The following ATXN2 variants were observed in gnomAD, a reference collection of about 807,000 sequenced individuals.
The protein encoded by ATXN2 is ataxin 2.
In ATXN2, 37 loss-of-function variants were observed where a neutral mutation model predicts 138.6. The ratio of observed to expected loss-of-function variants is 0.27; its 90% CI spans 0.21 to 0.35. The LOEUF (loss-of-function observed/expected upper bound fraction) is 0.35. Ranked by LOEUF, ATXN2 falls within the 10% of genes least tolerant of loss-of-function variation. The probability of loss-of-function intolerance (pLI) is 1.00; values close to 1 mark genes in which losing one functional copy is unlikely to be tolerated. For missense variants in ATXN2, 1,216 were observed against 1,480.3 expected (o/e 0.82, Z 2.93); for synonymous variants, 549 against 543.7 (o/e 1.01, Z -0.13).
rs921164717 is a variant in ATXN2, at chr12:111,506,231, C to T, written c.1935+3318G>A. On this transcript the variant is annotated intron_variant, in intron 14 of 24. Transcript: ENST00000673436. ...AGAAGGGCTGGAGGCAAATGTGGAA[C>T]GACTGCTAAACTGGGCACGGGGTTT... Among the ~76,000 whole-genome samples the T allele has an allele frequency of 3.9e-5, 6 of 152,072 alleles. No homozygotes were observed. The South Asian group carries it at 1.2e-3, about 31-fold the overall frequency.
Position 111,457,537 on chromosome 12 carries a change from T to C in ATXN2, c.2897-178A>G, listed in dbSNP as rs144904635. On this transcript the variant is annotated intron_variant, in intron 21 of 24. Transcript: ENST00000673436. ...TGTCTTGAAAAAATAAGTGTAGCTA[T>C]TGCTTAACAGACTAGCATTTGGTTC... 25 of 633,442 alleles carry C rather than the reference T, an allele frequency of 3.9e-5. No individual in the cohort carries two copies. In the African/African-American group the frequency reaches 4.4e-4, roughly 11 times the overall value. The allele number at this position is 633,442 out of a possible 1,614,324, so 39.2% of individuals were successfully genotyped here. A position where few individuals can be genotyped will look rare whatever the true frequency, so the allele number is the denominator to read the frequency against.
chr12:111,577,935 T>C (rs911463274), intron 1 of ATXN2, among the ~76,000 whole-genome samples: 5 of 150,290 alleles, frequency 3.3e-5, no homozygotes, highest in Non-Finnish European at 7.4e-5. Context: ...GTGGCTCACA[T>C]CTGTAATCCC....
chr12:111,485,941 C>A, intron 16 of ATXN2, 76 bp from the exon 17 acceptor site: 1 of 1,423,238 alleles, frequency 7.0e-7, no homozygotes, highest in South Asian at 1.4e-5. Context: ...ACGGATTTTC[C>A]CAGTCTTTCT....
chr12:111,579,037 CA>C (rs1024151742), intron 1 of ATXN2, among the ~76,000 whole-genome samples: 1 of 150,658 alleles, frequency 6.6e-6, no homozygotes, highest in African/African-American at 2.4e-5. Context: ...GACCCTGCCT[CA>C]AAAAAAAATT....
At chr12:111,485,963 C>A in intron 16 of ATXN2, 98 bp from the exon 17 acceptor site, 1 of 1,206,152 alleles carries the variant, frequency 8.3e-7, no homozygotes, top group South Asian at 1.7e-5. Flanking sequence ...ATTTTACTTG[C>A]TTTAACTATG....
chr12:111,547,744 A>G (rs1479576507), intron 5 of ATXN2, among the ~76,000 whole-genome samples: 1 of 151,626 alleles, frequency 6.6e-6, no homozygotes, highest in East Asian at 2.0e-4. Flanking sequence ...CAAAAAAGAA[A>G]AAAAAGGTTT....
At chr12:111,568,175 C>T (rs1014641192) in intron 1 of ATXN2, among the ~76,000 whole-genome samples, 4 of 152,002 alleles carry the variant, frequency 2.6e-5, no homozygotes, top group East Asian at 3.9e-4. Flanking sequence ...GCAGGAGAAT[C>T]GCTTGAACCC....
chr12:111,584,085 TAA>T (rs144924229), intron 1 of ATXN2, among the ~76,000 whole-genome samples: 1 of 151,296 alleles, frequency 6.6e-6, no homozygotes, highest in African/African-American at 2.4e-5. Flanking sequence ...AAAAATTACT[TAA>T]AAAAAAATTT....
At position 111,456,104 on chromosome 12, in the gene ATXN2, C is replaced by T; in HGVS notation, c.3195G>A (p.Gln1065=). ...GAGAAGGATGGATCGTAAAGACAGT[C>T]TGTTGTGCTGCTGGGAAACTATTCT... is the stretch of plus-strand genomic sequence containing the variant. ...SPQNSFPAAQ[Q]TVFTIHPSHV... is the part of the protein sequence containing the mutation. Residue 1065 remains glutamine, a synonymous_variant, in exon 23 of 25, where the codon CAG becomes CAA. Coordinates refer to ENST00000673436, the MANE Select transcript of ATXN2 (RefSeq NM_001372574.1). The T allele has an allele frequency of 1.2e-6, 2 of 1,614,214 alleles. No homozygotes were observed. Among genetic ancestry groups the T allele is most frequent in the Non-Finnish European group, 1.7e-6 (2 of 1,180,054 alleles).
At chr12:111,455,430 TG>T in intron 23 of ATXN2, 1 of 345,592 alleles carries the variant, frequency 2.9e-6, no homozygotes, top group Non-Finnish European at 5.5e-6. Flanking sequence ...CTTCCAGGGC[TG>T]CTCTTAAAGA....
At chr12:111,523,178 G>A (rs768344266) in intron 6 of ATXN2, among the ~76,000 whole-genome samples, 3 of 150,890 alleles carry the variant, frequency 2.0e-5, no homozygotes, top group Non-Finnish European at 4.4e-5. Flanking sequence ...CAGGAGAATC[G>A]CTTGAACCCG....
chr12:111,488,505 G>C lies in ATXN2; in HGVS notation c.2211C>G (p.Asp737Glu), dbSNP rs117328505. 2 of 1,613,276 alleles carry C rather than the reference G, an allele frequency of 1.2e-6. No homozygotes were observed. Among genetic ancestry groups the C allele is most frequent in the African/African-American group, 2.7e-5 (2 of 74,916 alleles). ...CTGCGTCTTTCTTCTCTTCCTTATC[G>C]TCTTTCTCTTGTTTACATGCTGGGC... is the stretch of plus-strand genomic sequence containing the variant. ...TSSPACKQEKDDKEEKKDAAE... is the reference protein window; with the variant it reads ...TSSPACKQEKEDKEEKKDAAE... Residue 737 changes from aspartate to glutamate, a missense_variant, in exon 15 of 25, where the codon GAC becomes GAG. Physicochemically the swap from Asp to Glu is conservative, Grantham distance 45. Around this residue, in one of 4 missense-constraint regions of ATXN2, gnomAD observed 490 missense variants for 653.5 expected, o/e 0.75. Coordinates refer to ENST00000673436, the MANE Select transcript of ATXN2 (RefSeq NM_001372574.1).
intron 1 of ATXN2, among the ~76,000 whole-genome samples, chr12:111,569,173 C>A (rs895777987): frequency 6.6e-6 from 1 of 152,176 alleles, no homozygotes; most frequent in Non-Finnish European, 1.5e-5. Context: ...CAAATTCCGG[C>A]TCCATCACTT....
upstream of ATXN2, chr12:111,599,663 G>C (rs563058868): frequency 2.2e-5 from 23 of 1,066,130 alleles, no homozygotes; most frequent in African/African-American, 3.4e-4. Context: ...GCGCTGGGTT[G>C]CTTTCTCGGG....
At chr12:111,473,445 G>GA (rs1876560525) in intron 18 of ATXN2, among the ~76,000 whole-genome samples, 2 of 152,104 alleles carry the variant, frequency 1.3e-5, no homozygotes, top group African/African-American at 4.8e-5. Flanking sequence ...CTTTTCCTAA[G>GA]AAAGCTATAC....
At chr12:111,596,246 A>AC (rs1592942289) in intron 1 of ATXN2, among the ~76,000 whole-genome samples, 22 of 148,676 alleles carry the variant, frequency 1.5e-4, no homozygotes, top group Admixed American at 8.7e-4. Flanking sequence ...ACACACACAC[A>AC]AAATTAGATT....
At chr12:111,579,191 T>C (rs1883847519) in intron 1 of ATXN2, among the ~76,000 whole-genome samples, 1 of 152,236 alleles carries the variant, frequency 6.6e-6, no homozygotes, top group African/African-American at 2.4e-5. Context: ...ATCTCATTTC[T>C]ATGCATTCCA....
chr12:111,569,058 C>T (rs1361030765), intron 1 of ATXN2, among the ~76,000 whole-genome samples: 1 of 152,108 alleles, frequency 6.6e-6, no homozygotes, highest in Non-Finnish European at 1.5e-5. Flanking sequence ...TAAATTCACA[C>T]AGAACAACTG....
At chr12:111,501,628 T>G (rs1354375319) in intron 14 of ATXN2, among the ~76,000 whole-genome samples, 1 of 152,176 alleles carries the variant, frequency 6.6e-6, no homozygotes, top group Non-Finnish European at 1.5e-5. Context: ...AAGAGTCAAG[T>G]GGCTAAGGGC....
Sources: gnomAD v4.1 joint callset for allele counts (sites outside exome capture counted in the v4.1 genomes callset) on GRCh38, gnomAD v4.1.1 for gene constraint, gnomAD v4.1.1 regional missense constraint, MANE v1.5 for transcripts, NCBI Gene and HGNC (gene_info 2026-07-23, HGNC 2026-07-21) for gene names.